Variants in MLXIP observed in about 807,000 individuals in gnomAD.
MLXIP encodes MLX-interacting protein.
Under a neutral mutation model 87.2 loss-of-function variants are expected in MLXIP, and 30 were observed. That is an observed-to-expected ratio of 0.34 (90% confidence interval 0.26 to 0.47). MLXIP has a LOEUF of 0.47. MLXIP is among the 20% of genes least tolerant of loss of function. MLXIP has a pLI of 1.00. For synonymous variants in MLXIP, 530 were observed against 514.0 expected (o/e 1.03, Z -0.42); for missense variants, 1,002 against 1,240.1 (o/e 0.81, Z 2.88).
chr12:122,086,063 T>G (rs1377755815), intron 1 of MLXIP, among the ~76,000 whole-genome samples: 2 of 152,162 alleles, frequency 1.3e-5, no homozygotes, highest in African/African-American at 4.8e-5. Flanking sequence ...TGTCAGCTGC[T>G]GTTGGCAGCT....
At chr12:122,079,326 C>T in intron 1 of MLXIP, 60 bp downstream of exon 1, 4 of 1,469,826 alleles carry the variant, frequency 2.7e-6, no homozygotes, top group Non-Finnish European at 3.7e-6. Context: ...ACAAAACAAG[C>T]GTGGAGGGAA....
rs3066166 is a variant in MLXIP at position 122,146,642 on chromosome 12, ACGCG to A, written c.*4835_*4838del. 1 of 149,364 alleles carries A rather than the reference ACGCG, an allele frequency of 6.7e-6. No homozygotes were observed. Among genetic ancestry groups the A allele is most frequent in the African/African-American group, 2.5e-5 (1 of 40,474 alleles). 9.3% of individuals were successfully genotyped at this position (149,364 alleles called of 1,614,324 possible). The stretch of plus-strand genomic sequence containing the variant: ...TATGCGTGTGTGTGTGTGTGTGTGC[ACGCG>A]CGCGTGTGCGTGTTGACTTCATGGA... On this transcript the variant is annotated 3_prime_UTR_variant, in exon 17 of 17. Coordinates refer to ENST00000319080, the MANE Select transcript of MLXIP (RefSeq NM_014938.6).
At chr12:122,129,300 G>A (rs1018010222) in intron 4 of MLXIP, 74 bp downstream of exon 4, 16 of 1,347,400 alleles carry the variant, frequency 1.2e-5, no homozygotes, top group African/African-American at 2.9e-5. Context: ...GGCCCTGGCC[G>A]AGGCGGTAGG....
intron 1 of MLXIP, among the ~76,000 whole-genome samples, chr12:122,122,115 G>A (rs28478366): frequency 0.5 from 76,544 of 151,810 alleles, 19,814 homozygotes; most frequent in Middle Eastern, 0.64. Context: ...AGGATTGCGT[G>A]TCTTGGGGGA....
chr12:122,135,089 G>C lies in MLXIP; in HGVS notation c.1733-135G>C. On this transcript the variant is annotated intron_variant, in intron 9 of 16. Transcript: ENST00000319080. This position sits in a 1 kb window ranked among gnomAD's most constrained non-coding sequence, Gnocchi z 5.3. ...CAAGAAGTCACACAAATGGTTTTAG[G>C]TGCCTTGGTGGCTTTGTCTTCCTGT... The C allele has an allele frequency of 9.4e-7, 1 of 1,068,790 alleles. No homozygotes were observed. Among genetic ancestry groups the C allele is most frequent in the Non-Finnish European group, 1.4e-6 (1 of 717,552 alleles). The allele number at this position is 1,068,790 out of a possible 1,614,324, so 66.2% of individuals were successfully genotyped here.
Position 122,078,900 on chromosome 12 carries a change from G to T in MLXIP, c.47G>T (p.Arg16Leu). The part of the protein sequence containing the change: ...FMCSPRRPRS[R>L]GRQVLLKPQV... ...TGCTCCCCGCGCCGGCCTCGCAGCC[G>T]GGGCCGCCAGGTGCTGCTCAAGCCC... The change falls in exon 1 of 17, where the codon CGG becomes CTG. Residue 16 changes from arginine to leucine, a missense_variant. Physicochemically the swap from Arg to Leu is moderately radical, Grantham distance 102 (BLOSUM62 -2). Around this residue, in one of 3 missense-constraint regions of MLXIP, gnomAD observed 129 missense variants for 104.2 expected, o/e 1.24. Coordinates refer to ENST00000319080, the MANE Select transcript of MLXIP (RefSeq NM_014938.6). 8.7e-7 allele frequency: 1 copy of T among 1,144,208 alleles called. No homozygotes were observed. Among genetic ancestry groups the T allele is most frequent in the Non-Finnish European group, 1.1e-6 (1 of 926,624 alleles). The allele number at this position is 1,144,208 out of a possible 1,614,324, so 70.9% of individuals were successfully genotyped here.
chr12:122,134,051 C>T, intron 9 of MLXIP, 64 bp downstream of exon 9: 3 of 1,487,624 alleles, frequency 2.0e-6, no homozygotes, highest in Non-Finnish European at 1.8e-6. Context: ...TTTCCCATCC[C>T]AAAGGCTTTC....
chr12:122,137,636 G>A lies in MLXIP; in HGVS notation c.2154+46G>A, dbSNP rs1406790995. 2.5e-6 allele frequency: 4 copies of A among 1,599,134 alleles called. No individual in the cohort carries two copies. The highest frequency in any genetic ancestry group is 4.5e-5 in the East Asian group (2 of 44,530). On this transcript the variant is annotated intron_variant, in intron 12 of 16. Coordinates refer to ENST00000319080, the MANE Select transcript of MLXIP (RefSeq NM_014938.6). This position sits in a 1 kb window ranked among gnomAD's most constrained non-coding sequence, Gnocchi z 4.1. ...GTTCCCTTGGGAGGAGGGGAGAGGA[G>A]TGCAGGACATCAAGGATCTGTGTCT... is the stretch of plus-strand genomic sequence containing the variant.
At chr12:122,093,811 G>T (rs893451215) in intron 1 of MLXIP, among the ~76,000 whole-genome samples, 2 of 143,840 alleles carry the variant, frequency 1.4e-5, no homozygotes, top group African/African-American at 5.2e-5. Flanking sequence ...GGTGTGTGTC[G>T]TGTGTTGGTG....
At chr12:122,120,100 A>T (rs1952755515) in intron 1 of MLXIP, among the ~76,000 whole-genome samples, 1 of 152,228 alleles carries the variant, frequency 6.6e-6, no homozygotes, top group African/African-American at 2.4e-5. Context: ...TGGTCCATCT[A>T]TACATGGAAT....
chr12:122,114,735 TTC>T (rs1190969234), intron 1 of MLXIP, among the ~76,000 whole-genome samples: 2 of 122,740 alleles, frequency 1.6e-5, no homozygotes, highest in African/African-American at 6.2e-5. Flanking sequence ...GGAAGGTGAC[TTC>T]TTTTTTTTTT....
Position 122,129,156 on chromosome 12 carries a change from A to G in MLXIP, c.626A>G (p.Lys209Arg). The change falls in exon 4 of 17, where the codon AAG (lysine) becomes AGG (arginine). Residue 209 changes from lysine to arginine, a missense_variant. Lys to Arg is a conservative substitution (Grantham distance 26). Around this residue, in one of 3 missense-constraint regions of MLXIP, gnomAD observed 127 missense variants for 239.0 expected, o/e 0.53. Transcript: ENST00000319080. Reference protein sequence around the residue: ...RRPEAITTEGKYWKSRIEIVI... With the variant: ...RRPEAITTEGRYWKSRIEIVI... ...TCCTAGGCCATCACCACGGAAGGGAAGTACTGGAAGAGCCGCATCGAGATT... is the reference window on the plus strand; with the variant it reads ...TCCTAGGCCATCACCACGGAAGGGAGGTACTGGAAGAGCCGCATCGAGATT... 1 of 1,610,618 alleles carries G rather than the reference A, an allele frequency of 6.2e-7. No homozygotes were observed. The highest frequency in any genetic ancestry group is 1.3e-5 in the African/African-American group (1 of 75,024).
At chr12:122,101,611 C>T (rs1439508314) in intron 1 of MLXIP, among the ~76,000 whole-genome samples, 35 of 123,296 alleles carry the variant, frequency 2.8e-4, no homozygotes, top group African/African-American at 9.9e-4. Flanking sequence ...GACGGAGTCT[C>T]GCTCTGTCGC....
chr12:122,080,876 C>A (rs1952080856), intron 1 of MLXIP, among the ~76,000 whole-genome samples: 1 of 152,196 alleles, frequency 6.6e-6, no homozygotes, highest in Non-Finnish European at 1.5e-5. Context: ...TGGAATGTAT[C>A]TTATTAAGAA....
intron 1 of MLXIP, among the ~76,000 whole-genome samples, chr12:122,082,400 A>G (rs1952104522): frequency 1.3e-5 from 2 of 152,250 alleles, no homozygotes. Flanking sequence ...TCTGAAGTCT[A>G]AGAATGCTAT....
At position 122,135,739 on chromosome 12, in the gene MLXIP, G is replaced by A; in HGVS notation, c.2032+73G>A. 2.8e-6 allele frequency: 4 copies of A among 1,425,266 alleles called. No individual in the cohort carries two copies. Among genetic ancestry groups the A allele is most frequent in the South Asian group, 3.0e-5 (2 of 67,440 alleles). 88.3% of individuals were successfully genotyped at this position (1,425,266 alleles called of 1,614,324 possible). A position where few individuals can be genotyped will look rare whatever the true frequency, so the allele number is the denominator to read the frequency against. ...CTGGGCCTGCCGTAGACCATGGGGG[G>A]TGCTTGCTGGGTCCCCAGGACGGAG... On this transcript the variant is annotated intron_variant, in intron 11 of 16. Transcript: ENST00000319080. This position sits in a 1 kb window ranked among gnomAD's most constrained non-coding sequence, Gnocchi z 5.3.
chr12:122,133,079 CAAG>C lies in MLXIP; in HGVS notation c.1093-267_1093-265del, dbSNP rs1407136704. 2 of 398,258 alleles carry C rather than the reference CAAG, an allele frequency of 5.0e-6. No homozygotes were observed. The highest frequency in any genetic ancestry group is 8.9e-6 in the Non-Finnish European group (2 of 224,360). 24.7% of individuals were successfully genotyped at this position (398,258 alleles called of 1,614,324 possible). On this transcript the variant is annotated intron_variant, in intron 8 of 16. Coordinates refer to ENST00000319080, the MANE Select transcript of MLXIP (RefSeq NM_014938.6). The surrounding 1 kb of genome is among the most constrained non-coding windows in gnomAD (Gnocchi z 4.9). ...GGGAGACTCTGCTGGACTCCAGAAACAAGATATTCCCAGGCTGCTAGCCAGCTG... is the reference window on the plus strand; with the variant it reads ...GGGAGACTCTGCTGGACTCCAGAAACATATTCCCAGGCTGCTAGCCAGCTG...
At chr12:122,129,379 C>A in intron 4 of MLXIP, 153 bp downstream of exon 4, 1 of 383,768 alleles carries the variant, frequency 2.6e-6, no homozygotes, top group Non-Finnish European at 3.6e-6. Flanking sequence ...GCCAGACTAG[C>A]CTGGGCAATG....
chr12:122,120,999 C>CTGCA (rs1952770194), intron 1 of MLXIP, among the ~76,000 whole-genome samples: 1 of 110,648 alleles, frequency 9.0e-6, no homozygotes, highest in South Asian at 3.0e-4. Context: ...CCAGAGCCCT[C>CTGCA]TGCATGCTTG....
Sources: allele counts gnomAD v4.1 joint callset (sites outside exome capture counted in the v4.1 genomes callset), GRCh38; gene constraint gnomAD v4.1.1; regional missense constraint gnomAD v4.1.1; non-coding constraint Gnocchi (gnomAD v3.1); transcripts MANE v1.5; gene names NCBI Gene and HGNC (gene_info 2026-07-23, HGNC 2026-07-21).